The following TTC17 variants were observed in gnomAD, a reference collection of about 807,000 sequenced individuals.
TTC17 encodes the protein tetratricopeptide repeat protein 17.
TTC17 carries 58 observed loss-of-function variants against 143.8 expected under a neutral mutation model. That is an observed-to-expected ratio of 0.40 (90% CI 0.33 to 0.50). The LOEUF (loss-of-function observed/expected upper bound fraction) is 0.50. Ranked by LOEUF, TTC17 falls within the 20% of genes least tolerant of loss-of-function variation. The probability of loss-of-function intolerance (pLI) is 0.49; values close to 1 mark genes in which losing one functional copy is unlikely to be tolerated. For synonymous variants in TTC17, 501 were observed against 497.8 expected (o/e 1.01, Z -0.09); for missense variants, 1,273 against 1,392.5 (o/e 0.91, Z 1.37).
At chr11:43,359,170 C>T (rs998888738) in intron 1 of TTC17, 57 bp downstream of exon 1, 4 of 1,483,362 alleles carry the variant, frequency 2.7e-6, no homozygotes, top group African/African-American at 2.9e-5. Flanking sequence ...GGGGGATTAC[C>T]CTGCTTGGCC....
At chr11:43,486,141 A>G (rs1264970243) in intron 21 of TTC17, among the ~76,000 whole-genome samples, 4 of 142,752 alleles carry the variant, frequency 2.8e-5, no homozygotes, top group Middle Eastern at 3.6e-3. Context: ...TCAAGTCTGC[A>G]TACAATACGC....
At chr11:43,492,662 C>A (rs1213679739) in intron 23 of TTC17, among the ~76,000 whole-genome samples, 1 of 152,216 alleles carries the variant, frequency 6.6e-6, no homozygotes, top group Non-Finnish European at 1.5e-5. Flanking sequence ...CCTCCCTGTT[C>A]CCAGTGCCTC....
At chr11:43,456,972 C>G (rs1947775326) in intron 21 of TTC17, among the ~76,000 whole-genome samples, 1 of 152,010 alleles carries the variant, frequency 6.6e-6, no homozygotes, top group Admixed American at 6.6e-5. Flanking sequence ...ACAGAGCCAG[C>G]CATAAGCATA....
At chr11:43,407,689 C>A in intron 15 of TTC17, 112 bp downstream of exon 15, 2 of 1,018,706 alleles carry the variant, frequency 2.0e-6, no homozygotes, top group Admixed American at 2.6e-5. Context: ...TTTTGTCTTT[C>A]ACAGTAGCGT....
chr11:43,405,976 T>G (rs1481742598), intron 13 of TTC17, 25 bp downstream of exon 13: 2 of 1,604,494 alleles, frequency 1.2e-6, no homozygotes, highest in Non-Finnish European at 1.7e-6. Flanking sequence ...GGCTGGTATT[T>G]ATTGCCGTCC....
At chr11:43,488,823 C>T (rs977056219) in intron 21 of TTC17, among the ~76,000 whole-genome samples, 1 of 152,122 alleles carries the variant, frequency 6.6e-6, no homozygotes, top group Non-Finnish European at 1.5e-5. Flanking sequence ...GCCTCAGCCT[C>T]CTAAGTAGTT....
At chr11:43,478,227 C>T (rs1386607711) in intron 21 of TTC17, among the ~76,000 whole-genome samples, 1 of 152,070 alleles carries the variant, frequency 6.6e-6, no homozygotes, top group Non-Finnish European at 1.5e-5. Flanking sequence ...AGATGGACCC[C>T]AGAGATCACA....
rs1417207220 is a variant in TTC17 at position 43,397,124 on chromosome 11, C to T, written c.774-223C>T. The T allele has an allele frequency of 7.9e-6, 4 of 505,980 alleles. No individual in the cohort carries two copies. In the South Asian group the frequency reaches 1.7e-4, roughly 22 times the overall value. 31.3% of individuals were successfully genotyped at this position (505,980 alleles called of 1,614,324 possible). A position where few individuals can be genotyped will look rare whatever the true frequency, so the allele number is the denominator to read the frequency against. On this transcript the variant is annotated intron_variant, in intron 6 of 23. Transcript: ENST00000039989. ...AACTTTTCTTAAAGCAAATATAAGC[C>T]CTAAATAAATTGTAAAATCATACAG... is the stretch of plus-strand genomic sequence containing the variant.
At chr11:43,432,545 A>G (rs1947182289) in intron 16 of TTC17, among the ~76,000 whole-genome samples, 1 of 152,230 alleles carries the variant, frequency 6.6e-6, no homozygotes, top group Non-Finnish European at 1.5e-5. Context: ...TACCTAAAGC[A>G]TTTTGTTTAA....
chr11:43,397,824 A>G (rs1857665314), intron 7 of TTC17, 150 bp from the exon 8 acceptor site: 7 of 1,148,642 alleles, frequency 6.1e-6, no homozygotes, highest in Non-Finnish European at 6.0e-6. Flanking sequence ...ACTGTAGAGT[A>G]AGAGGTAGGT....
intron 16 of TTC17, 64 bp downstream of exon 16, chr11:43,414,840 G>T: frequency 6.6e-7 from 1 of 1,514,210 alleles, no homozygotes; most frequent in Non-Finnish European, 9.0e-7. Flanking sequence ...CTGATCAAAA[G>T]AACACAGAAA....
At position 43,448,005 on chromosome 11, in the gene TTC17, A is replaced by G. The variant is rs765095617; in HGVS notation, c.2669A>G (p.Lys890Arg). 1.1e-5 allele frequency: 18 copies of G among 1,613,652 alleles called. No individual in the cohort carries two copies. Among genetic ancestry groups the G allele is most frequent in the Middle Eastern group, 1.6e-4 (1 of 6,072 alleles). Residue 890 changes from lysine to arginine, a missense_variant, in exon 19 of 24, where the codon AAA becomes AGA. This residue lies in a region of TTC17 where 878 missense variants were observed against 899.8 expected (regional missense o/e 0.98). Coordinates refer to ENST00000039989, the MANE Select transcript of TTC17 (RefSeq NM_018259.6). ...TCATGGCATACTTTCCTTCCAGGAA[A>G]AAAACGTGACTACCAGCGTCTGGGA... ...PKVASPGPQG[K>R]KRDYQRLGWP... is the part of the protein sequence containing the mutation.
intron 2 of TTC17, among the ~76,000 whole-genome samples, chr11:43,382,212 A>G (rs1370254187): frequency 1.3e-5 from 2 of 152,250 alleles, no homozygotes; most frequent in Non-Finnish European, 2.9e-5. Context: ...GGGCAAAGTA[A>G]AGATAATTTC....
intron 2 of TTC17, among the ~76,000 whole-genome samples, chr11:43,386,153 A>C (rs1002784549): frequency 1.3e-5 from 2 of 152,036 alleles, no homozygotes; most frequent in Non-Finnish European, 2.9e-5. Flanking sequence ...GTGGGAAAAA[A>C]ATACCTTTCA....
intron 16 of TTC17, among the ~76,000 whole-genome samples, chr11:43,417,244 G>A (rs1012911628): frequency 1.3e-5 from 2 of 151,764 alleles, no homozygotes; most frequent in Non-Finnish European, 2.9e-5. Flanking sequence ...AATCTAAACA[G>A]TTGCATCTAT....
intron 21 of TTC17, among the ~76,000 whole-genome samples, chr11:43,481,453 C>G (rs1029245210): frequency 2.0e-5 from 3 of 152,110 alleles, no homozygotes; most frequent in African/African-American, 7.2e-5. Flanking sequence ...CTGAAAAAGT[C>G]TGTAGAGAAT....
chr11:43,362,498 G>GC (rs895064581), intron 1 of TTC17, among the ~76,000 whole-genome samples: 43 of 152,290 alleles, frequency 2.8e-4, no homozygotes, highest in African/African-American at 1.0e-3. Flanking sequence ...TGAAAAGGGG[G>GC]TTAAGTAAGA....
chr11:43,446,845 T>C (rs1947552946), intron 18 of TTC17: 2 of 203,346 alleles, frequency 9.8e-6, no homozygotes, highest in African/African-American at 2.4e-5. Flanking sequence ...AGGTGGTACT[T>C]ACGAAGGATA....
chr11:43,454,580 G>A (rs905113804), intron 21 of TTC17, among the ~76,000 whole-genome samples: 1 of 151,882 alleles, frequency 6.6e-6, no homozygotes, highest in East Asian at 1.9e-4. Context: ...TGCTGTATTC[G>A]AGAAATATCC....
Sources: allele counts gnomAD v4.1 joint callset (sites outside exome capture counted in the v4.1 genomes callset), GRCh38; gene constraint gnomAD v4.1.1; regional missense constraint gnomAD v4.1.1; transcripts MANE v1.5; gene names NCBI Gene and HGNC (gene_info 2026-07-23, HGNC 2026-07-21).